Variants in ADTRP observed in about 807,000 individuals in gnomAD.
ADTRP encodes androgen dependent TFPI regulating protein.
In ADTRP, 20 loss-of-function variants were observed where a neutral mutation model predicts 27.0. That is an observed-to-expected ratio of 0.74 (90% CI 0.52 to 1.08). The LOEUF is 1.08. Ranked by LOEUF, ADTRP falls within the 50% of genes least tolerant of loss-of-function variation. ADTRP has a pLI of 0.00. For synonymous variants in ADTRP, 101 were observed against 105.2 expected, an observed-to-expected ratio of 0.96 and a Z score of 0.25; for missense variants, 251 against 275.0, an observed-to-expected ratio of 0.91 and a Z score of 0.62.
intron 5 of ADTRP, chr6:11,717,083 T>C (rs1283383254): frequency 5.5e-6 from 2 of 364,938 alleles, no homozygotes; most frequent in Non-Finnish European, 9.7e-6. Flanking sequence ...GACTTAATAA[T>C]AGATCATATA....
chr6:11,777,354 G>T (rs1321395859), intron 1 of ADTRP, among the ~76,000 whole-genome samples: 1 of 152,008 alleles, frequency 6.6e-6, no homozygotes, highest in Non-Finnish European at 1.5e-5. Context: ...CATTCATACT[G>T]GAATTGGATT....
intron 3 of ADTRP, among the ~76,000 whole-genome samples, chr6:11,743,746 T>A (rs1762785667): frequency 6.6e-6 from 1 of 152,138 alleles, no homozygotes. Flanking sequence ...AATGAACGAA[T>A]CAATGAAACA....
chr6:11,763,019 C>T (rs1027058356), intron 3 of ADTRP, among the ~76,000 whole-genome samples: 1 of 152,180 alleles, frequency 6.6e-6, no homozygotes, highest in East Asian at 1.9e-4. Flanking sequence ...TGTTCTTTCC[C>T]TTGTTTTATG....
chr6:11,751,754 G>T (rs188495468), intron 3 of ADTRP, among the ~76,000 whole-genome samples: 4 of 152,224 alleles, frequency 2.6e-5, no homozygotes, highest in Admixed American at 2.0e-4. Context: ...CTTGTGGGTG[G>T]GGAAATCTGC....
chr6:11,742,887 G>A (rs537717330), intron 3 of ADTRP, among the ~76,000 whole-genome samples: 1 of 152,288 alleles, frequency 6.6e-6, no homozygotes, highest in South Asian at 2.1e-4. Context: ...TTGTGAATCG[G>A]ACACCAGCCA....
intron 3 of ADTRP, among the ~76,000 whole-genome samples, chr6:11,760,861 T>C (rs1763371673): frequency 6.6e-6 from 1 of 152,208 alleles, no homozygotes. Flanking sequence ...CTCTTTCTTT[T>C]TGCCATATGG....
chr6:11,714,487 C>G lies in ADTRP; in HGVS notation c.684G>C (p.Lys228Asn), dbSNP rs1379427714. The G allele has an allele frequency of 6.2e-7, 1 of 1,613,498 alleles. No homozygotes were observed. The highest frequency in any genetic ancestry group is 2.2e-5 in the East Asian group (1 of 44,886). Residue 228 changes from lysine (K) to asparagine (N), a missense_variant, in exon 6 of 6, where the codon AAG (lysine) becomes AAC (asparagine). Lys to Asn is a moderately conservative substitution (Grantham distance 94). Transcript: ENST00000414691. ...KWGDMRQPRK[K>N]RK Reference sequence around the variant, plus strand: ...GGAAAATGGTGTGCAATTACTTCCTCTTCTTCCGTGGCTGCCTCATGTCAC... The same window carrying G: ...GGAAAATGGTGTGCAATTACTTCCTGTTCTTCCGTGGCTGCCTCATGTCAC...
intron 4 of ADTRP, among the ~76,000 whole-genome samples, chr6:11,727,211 A>T (rs193082343): frequency 6.6e-5 from 10 of 152,182 alleles, no homozygotes; most frequent in African/African-American, 2.4e-4. Flanking sequence ...TTGTAAAGAC[A>T]GGGTTTCACC....
At chr6:11,774,670 C>T (rs1224772297) in intron 1 of ADTRP, among the ~76,000 whole-genome samples, 1 of 152,114 alleles carries the variant, frequency 6.6e-6, no homozygotes, top group Non-Finnish European at 1.5e-5. Context: ...CAGAATCTCC[C>T]CTGGAGATCC....
chr6:11,750,708 C>T (rs1056021257), intron 3 of ADTRP, among the ~76,000 whole-genome samples: 6 of 152,186 alleles, frequency 3.9e-5, no homozygotes, highest in African/African-American at 1.4e-4. Context: ...AAAGGATGAA[C>T]AAAATGAATT....
chr6:11,755,757 CA>C (rs1168176123), intron 3 of ADTRP, among the ~76,000 whole-genome samples: 1 of 152,148 alleles, frequency 6.6e-6, no homozygotes, highest in Non-Finnish European at 1.5e-5. Flanking sequence ...AAAGTTGTTT[CA>C]AAACAAGGAA....
At chr6:11,774,203 G>A (rs1763874914) in intron 1 of ADTRP, among the ~76,000 whole-genome samples, 1 of 152,064 alleles carries the variant, frequency 6.6e-6, no homozygotes, top group Admixed American at 6.5e-5. Flanking sequence ...CAGCTACTGA[G>A]GAGGCTGAGG....
At chr6:11,763,512 G>A (rs1763456896) in intron 3 of ADTRP, among the ~76,000 whole-genome samples, 1 of 152,152 alleles carries the variant, frequency 6.6e-6, no homozygotes, top group Admixed American at 6.5e-5. Flanking sequence ...CAGGGGACAG[G>A]GCCAGCCCCA....
At chr6:11,767,991 A>T (rs568804433) in intron 2 of ADTRP, among the ~76,000 whole-genome samples, 7 of 152,300 alleles carry the variant, frequency 4.6e-5, no homozygotes, top group African/African-American at 1.4e-4. Flanking sequence ...GGTCTTTCAA[A>T]CTTCCCCATT....
At chr6:11,725,180 A>G (rs61439239) in intron 4 of ADTRP, among the ~76,000 whole-genome samples, 9,631 of 152,254 alleles carry the variant, frequency 0.063, 815 homozygotes, top group East Asian at 0.46. Context: ...CCTAGGGTGT[A>G]AAACTTAAGG....
chr6:11,736,839 C>A (rs1201994476), intron 3 of ADTRP: 1 of 152,212 alleles, frequency 6.6e-6, no homozygotes, highest in African/African-American at 2.4e-5. Flanking sequence ...TTTCTTGTTG[C>A]ATTTAGCATG....
intron 4 of ADTRP, among the ~76,000 whole-genome samples, chr6:11,734,824 G>A (rs1221847961): frequency 1.3e-5 from 2 of 152,210 alleles, no homozygotes; most frequent in East Asian, 1.9e-4. Context: ...GCTTGTGTGA[G>A]TCTAGAGAAG....
At chr6:11,777,674 G>A (rs981994553) in intron 1 of ADTRP, among the ~76,000 whole-genome samples, 25 of 152,184 alleles carry the variant, frequency 1.6e-4, no homozygotes, top group Non-Finnish European at 2.8e-4. Flanking sequence ...TAACCAACCA[G>A]TGAGGAGGAA....
Position 11,773,268 on chromosome 6 carries a change from C to T in ADTRP, c.154-4885G>A, listed in dbSNP as rs191771603. Among the ~76,000 whole-genome samples, 5 of 152,220 alleles carry T rather than the reference C, an allele frequency of 3.3e-5. No individual in the cohort carries two copies. In the East Asian group the frequency reaches 9.7e-4, roughly 29 times the overall value. ...GGAAGAGGAGGGAGAGAAACCTTTT[C>T]TGTATGTTTGGTATTTTACACGATG... On this transcript the variant is annotated intron_variant, in intron 1 of 5. Coordinates refer to ENST00000414691, the MANE Select transcript of ADTRP (RefSeq NM_032744.4).
Sources: allele counts gnomAD v4.1 joint callset (sites outside exome capture counted in the v4.1 genomes callset), GRCh38; gene constraint gnomAD v4.1.1; transcripts MANE v1.5; gene names NCBI Gene and HGNC (gene_info 2026-07-23, HGNC 2026-07-21).